The following RAD18 variants were observed in gnomAD, a reference collection of about 807,000 sequenced individuals.
RAD18 encodes the protein RAD18 E3 ubiquitin protein ligase, also known as E3 ubiquitin-protein ligase RAD18.
In RAD18, 47 loss-of-function variants were observed where a neutral mutation model predicts 60.4. The ratio of observed to expected loss-of-function variants is 0.78; its 90% CI spans 0.62 to 0.99. The LOEUF is 0.99. RAD18 is among the 50% of genes least tolerant of loss of function. The probability of loss-of-function intolerance (pLI) is 0.00; values close to 1 mark genes in which losing one functional copy is unlikely to be tolerated. For missense variants in RAD18, 640 were observed against 593.3 expected, an observed-to-expected ratio of 1.08 and a Z score of -0.82; for synonymous variants, 225 against 195.5, an observed-to-expected ratio of 1.15 and a Z score of -1.26.
intron 7 of RAD18, among the ~76,000 whole-genome samples, chr3:8,915,142 C>T (rs1277913686): frequency 1.4e-5 from 1 of 70,216 alleles, no homozygotes; most frequent in Non-Finnish European, 2.9e-5. Context: ...AGCGAGACTC[C>T]GTCTCAAAAA....
intron 7 of RAD18, among the ~76,000 whole-genome samples, chr3:8,919,049 T>C (rs756775688): frequency 7.2e-5 from 11 of 152,346 alleles, no homozygotes; most frequent in East Asian, 5.8e-4. Context: ...CCGACCAACA[T>C]GTGAAATTGT....
rs532624911 is a variant in RAD18 at position 8,927,299 on chromosome 3, A to C, written c.889+8572T>G. On this transcript the variant is annotated intron_variant, in intron 7 of 12. Transcript: ENST00000264926. ...GAAGACATTTATGCAGCCAAAAGAC[A>C]CATGAAAAAATGCTCACCATCACTG... Among the ~76,000 whole-genome samples the C allele has an allele frequency of 2.6e-5, 4 of 152,362 alleles. No individual in the cohort carries two copies. In the East Asian group the frequency reaches 7.7e-4, roughly 29 times the overall value.
chr3:8,952,256 A>G (rs753463446), intron 2 of RAD18, among the ~76,000 whole-genome samples: 2 of 152,246 alleles, frequency 1.3e-5, no homozygotes, highest in Non-Finnish European at 2.9e-5. Flanking sequence ...TCATCTAAAT[A>G]TCACCTAAAT....
intron 1 of RAD18, among the ~76,000 whole-genome samples, chr3:8,959,449 G>A (rs1222686183): frequency 6.6e-6 from 1 of 152,200 alleles, no homozygotes; most frequent in Non-Finnish European, 1.5e-5. Flanking sequence ...CCAAACTCCA[G>A]AAACTGTCTA....
At chr3:8,961,225 CAT>C (rs1941090954) in intron 1 of RAD18, among the ~76,000 whole-genome samples, 1 of 152,162 alleles carries the variant, frequency 6.6e-6, no homozygotes, top group Non-Finnish European at 1.5e-5. Flanking sequence ...AAGACAGTAA[CAT>C]GCATATCACA....
intron 11 of RAD18, among the ~76,000 whole-genome samples, chr3:8,892,834 G>A (rs688523): frequency 0.78 from 118,048 of 152,128 alleles, 45,961 homozygotes; most frequent in South Asian, 0.88. Flanking sequence ...CTCAGATTTC[G>A]GTGTCAGACA....
At chr3:8,955,942 T>C (rs1016404292) in intron 2 of RAD18, among the ~76,000 whole-genome samples, 12 of 152,248 alleles carry the variant, frequency 7.9e-5, no homozygotes, top group African/African-American at 2.9e-4. Flanking sequence ...ATTTATACTA[T>C]GTTTTTTCCT....
intron 11 of RAD18, among the ~76,000 whole-genome samples, chr3:8,892,048 T>C (rs577540063): frequency 6.6e-6 from 1 of 152,340 alleles, no homozygotes; most frequent in South Asian, 2.1e-4. Context: ...ATTTTTGAAG[T>C]CTTAGTCATT....
intron 11 of RAD18, among the ~76,000 whole-genome samples, chr3:8,895,134 A>G (rs1939762966): frequency 6.6e-6 from 1 of 152,146 alleles, no homozygotes. Flanking sequence ...CCAAAAAAAA[A>G]AACTCACCAC....
rs148845005 is a variant in RAD18 at position 8,949,579 on chromosome 3, A to G, written c.134-1009T>C. On this transcript the variant is annotated intron_variant, in intron 2 of 12. Coordinates refer to ENST00000264926, the MANE Select transcript of RAD18 (RefSeq NM_020165.4). ...GTCACCACTCTGTCCTAACAAGTAA[A>G]AAGCTGAACAAACTGAAAAACCAAC... Among the ~76,000 whole-genome samples, 9 of 152,364 alleles carry G rather than the reference A, an allele frequency of 5.9e-5. No individual in the cohort carries two copies. In the East Asian group the frequency reaches 1.5e-3, roughly 26 times the overall value.
In RAD18 at chr3:8,877,221, C is replaced by A; in HGVS notation, c.*4136G>T. 1 of 153,244 alleles carries A rather than the reference C, an allele frequency of 6.5e-6. No individual in the cohort carries two copies. Among genetic ancestry groups the A allele is most frequent in the South Asian group, 1.9e-4 (1 of 5,342 alleles). 9.5% of individuals were successfully genotyped at this position (153,244 alleles called of 1,614,324 possible). On this transcript the variant is annotated 3_prime_UTR_variant, in exon 13 of 13. Transcript: ENST00000264926. ...TTATAGACAATAGAAATTTATTTCTCACAGGTATGGAGGCTGGTAAGTCCA... is the reference window on the plus strand; with the variant it reads ...TTATAGACAATAGAAATTTATTTCTAACAGGTATGGAGGCTGGTAAGTCCA...
chr3:8,897,474 A>T (rs978500601), intron 11 of RAD18, among the ~76,000 whole-genome samples: 1 of 152,206 alleles, frequency 6.6e-6, no homozygotes, highest in Admixed American at 6.5e-5. Flanking sequence ...TCAGCACAGC[A>T]AGGCCAAATC....
intron 9 of RAD18, among the ~76,000 whole-genome samples, chr3:8,909,645 C>T (rs981399996): frequency 1.7e-4 from 26 of 152,086 alleles, no homozygotes; most frequent in African/African-American, 6.3e-4. Flanking sequence ...ATCTTTTTAA[C>T]CTAAAGTTCT....
intron 12 of RAD18, among the ~76,000 whole-genome samples, chr3:8,881,704 C>G (rs1412319302): frequency 1.3e-5 from 2 of 152,010 alleles, no homozygotes; most frequent in Non-Finnish European, 2.9e-5. Flanking sequence ...GAGTTTTATG[C>G]TTCTGTTTAG....
intron 9 of RAD18, among the ~76,000 whole-genome samples, chr3:8,910,724 A>G (rs991631392): frequency 2.6e-5 from 4 of 152,244 alleles, no homozygotes; most frequent in Admixed American, 2.6e-4. Context: ...AAAACTTATG[A>G]CATAATATTT....
At chr3:8,917,461 G>A (rs1233318172) in intron 7 of RAD18, among the ~76,000 whole-genome samples, 3 of 152,132 alleles carry the variant, frequency 2.0e-5, no homozygotes, top group Admixed American at 2.0e-4. Context: ...CAATAGCAAT[G>A]TAATGGTTTA....
At chr3:8,890,358 G>A in intron 12 of RAD18, 31 bp downstream of exon 12, 1 of 1,499,222 alleles carries the variant, frequency 6.7e-7, no homozygotes, top group South Asian at 1.1e-5. Flanking sequence ...AGGTCAAAGT[G>A]CATGCTTATT....
chr3:8,927,626 C>T (rs933099337), intron 7 of RAD18, among the ~76,000 whole-genome samples: 1 of 152,150 alleles, frequency 6.6e-6, no homozygotes, highest in African/African-American at 2.4e-5. Flanking sequence ...TTTATTGTGG[C>T]ACTATTCACA....
chr3:8,943,447 G>A (rs909422786), intron 4 of RAD18, among the ~76,000 whole-genome samples: 1 of 151,944 alleles, frequency 6.6e-6, no homozygotes, highest in Non-Finnish European at 1.5e-5. Flanking sequence ...AATTGGATGA[G>A]TATAACAACA....
Sources: allele counts gnomAD v4.1 joint callset (sites outside exome capture counted in the v4.1 genomes callset), GRCh38; gene constraint gnomAD v4.1.1; transcripts MANE v1.5; gene names NCBI Gene and HGNC (gene_info 2026-07-23, HGNC 2026-07-21).